Variants in NAALADL2 observed in about 807,000 individuals in gnomAD.
The protein encoded by NAALADL2 is N-acetylated alpha-linked acidic dipeptidase like 2, also known as inactive N-acetylated-alpha-linked acidic dipeptidase-like protein 2.
NAALADL2 carries 76 observed loss-of-function variants against 87.2 expected under a neutral mutation model. That is an observed-to-expected ratio of 0.87 (90% CI 0.72 to 1.05). The LOEUF is 1.05. NAALADL2 is among the 50% of genes least tolerant of loss of function. The pLI is 0.00. For synonymous variants in NAALADL2, 354 were observed against 331.0 expected (o/e 1.07, Z -0.75); for missense variants, 1,089 against 945.8 (o/e 1.15, Z -1.99).
intron 5 of NAALADL2, among the ~76,000 whole-genome samples, chr3:175,344,902 TTTA>T (rs1762965523): frequency 6.6e-6 from 1 of 152,132 alleles, no homozygotes; most frequent in Non-Finnish European, 1.5e-5. Flanking sequence ...TGTACATATT[TTTA>T]TTATTATCGC....
At chr3:174,804,380 G>T (rs1228403617) in intron 3 of NAALADL2, among the ~76,000 whole-genome samples, 1 of 152,106 alleles carries the variant, frequency 6.6e-6, no homozygotes, top group Non-Finnish European at 1.5e-5. Flanking sequence ...AGACATTGGG[G>T]TTTTCTAAAT....
chr3:174,705,534 C>T (rs1729970322), intron 2 of NAALADL2, among the ~76,000 whole-genome samples: 1 of 152,154 alleles, frequency 6.6e-6, no homozygotes, highest in South Asian at 2.1e-4. Flanking sequence ...CCTGTAATCC[C>T]AGCACTTTGG....
chr3:175,645,361 T>A (rs1729857334), intron 11 of NAALADL2, among the ~76,000 whole-genome samples: 1 of 152,044 alleles, frequency 6.6e-6, no homozygotes, highest in South Asian at 2.1e-4. Context: ...ATGACTATCT[T>A]CCTCATGGGG....
intron 3 of NAALADL2, among the ~76,000 whole-genome samples, chr3:174,803,704 C>T (rs900140274): frequency 5.3e-5 from 8 of 152,106 alleles, no homozygotes; most frequent in East Asian, 3.9e-4. Flanking sequence ...CCAGTTTTCC[C>T]GGCACCATTT....
intron 3 of NAALADL2, among the ~76,000 whole-genome samples, chr3:174,751,556 G>A (rs1734816067): frequency 6.6e-6 from 1 of 151,556 alleles, no homozygotes; most frequent in Non-Finnish European, 1.5e-5. Flanking sequence ...CCAGCGACTC[G>A]GGTGGCTGAG....
upstream of NAALADL2, among the ~76,000 whole-genome samples, chr3:174,856,884 G>A (rs1474878259): frequency 6.6e-6 from 1 of 152,144 alleles, no homozygotes; most frequent in Non-Finnish European, 1.5e-5. Flanking sequence ...AGTTAAGATG[G>A]AAAAGGCATT....
rs75576753 is a variant in NAALADL2, at chr3:175,607,085, T to C, written c.1801-20206T>C. On this transcript the variant is annotated intron_variant, in intron 10 of 13. Transcript: ENST00000454872. The stretch of plus-strand genomic sequence containing the variant: ...ACAGAGAGAGTAAGAAGGTGTATTG[T>C]GAAGTTTGGCTTCTTTTTGAACCTG... Among the ~76,000 whole-genome samples, 569 of 152,336 alleles carry C rather than the reference T, an allele frequency of 3.7e-3. 5 individuals carry two copies. The highest frequency in any genetic ancestry group is 0.013 in the African/African-American group (538 of 41,584).
At chr3:174,768,841 T>C (rs537352941) in intron 3 of NAALADL2, among the ~76,000 whole-genome samples, 30 of 152,200 alleles carry the variant, frequency 2.0e-4, no homozygotes, top group African/African-American at 7.2e-4. Flanking sequence ...AAGTGCTTGC[T>C]TGTATCTCTA....
At chr3:175,012,325 T>A (rs1388863014) in intron 1 of NAALADL2, among the ~76,000 whole-genome samples, 4 of 147,674 alleles carry the variant, frequency 2.7e-5, no homozygotes, top group African/African-American at 1.0e-4. Context: ...CCACCAGGCC[T>A]GGCTAATATT....
chr3:174,632,833 G>A (rs143407704), intron 2 of NAALADL2, among the ~76,000 whole-genome samples: 6,842 of 151,164 alleles, frequency 0.045, 233 homozygotes, highest in Non-Finnish European at 0.063. Context: ...TACTCAGGGG[G>A]CTGAGGCACG....
chr3:174,718,750 G>A (rs543809597), intron 2 of NAALADL2, among the ~76,000 whole-genome samples: 1 of 152,228 alleles, frequency 6.6e-6, no homozygotes, highest in African/African-American at 2.4e-5. Context: ...CTACAAAATA[G>A]CAATTCTCTT....
At chr3:174,449,570 C>T (rs569592332) in intron 1 of NAALADL2, among the ~76,000 whole-genome samples, 2 of 152,134 alleles carry the variant, frequency 1.3e-5, no homozygotes, top group Admixed American at 6.5e-5. Context: ...TCATATATTA[C>T]ATAAACAGTA....
At chr3:175,585,788 T>C (rs145231412) in intron 10 of NAALADL2, among the ~76,000 whole-genome samples, 2,113 of 152,256 alleles carry the variant, frequency 0.014, 21 homozygotes, top group Non-Finnish European at 0.023. Flanking sequence ...CCTTGGTAAT[T>C]GTCCGTGTAA....
intron 3 of NAALADL2, among the ~76,000 whole-genome samples, chr3:174,756,854 A>G (rs138087351): frequency 2.0e-5 from 3 of 152,166 alleles, no homozygotes; most frequent in South Asian, 4.2e-4. Context: ...TTCTTCTTAG[A>G]TCCCCCTTCT....
chr3:174,790,728 G>A (rs1041799944), intron 3 of NAALADL2, among the ~76,000 whole-genome samples: 1 of 152,002 alleles, frequency 6.6e-6, no homozygotes, highest in Non-Finnish European at 1.5e-5. Context: ...TTATGTCAGT[G>A]TGTAGAAAAA....
intron 2 of NAALADL2, among the ~76,000 whole-genome samples, chr3:175,225,966 C>T (rs996907828): frequency 3.3e-5 from 5 of 152,024 alleles, no homozygotes; most frequent in African/African-American, 1.2e-4. Context: ...GATGTGTTGA[C>T]AGTTTGTTAT....
chr3:174,649,425 A>C (rs567090417), intron 2 of NAALADL2, among the ~76,000 whole-genome samples: 2 of 152,164 alleles, frequency 1.3e-5, no homozygotes, highest in Admixed American at 6.5e-5. Flanking sequence ...TATATTATAT[A>C]CTTTTCCATT....
At chr3:175,237,155 C>G (rs1003364949) in intron 3 of NAALADL2, among the ~76,000 whole-genome samples, 1 of 151,912 alleles carries the variant, frequency 6.6e-6, no homozygotes, top group Admixed American at 6.6e-5. Context: ...TGTGAATTTG[C>G]AAAATTCTAT....
At chr3:174,931,698 G>A (rs1317715111) in intron 1 of NAALADL2, among the ~76,000 whole-genome samples, 1 of 152,114 alleles carries the variant, frequency 6.6e-6, no homozygotes, top group Non-Finnish European at 1.5e-5. Context: ...CAAAGACATG[G>A]ACATGGACAT....
Sources: allele counts gnomAD v4.1 joint callset (sites outside exome capture counted in the v4.1 genomes callset), GRCh38; gene constraint gnomAD v4.1.1; transcripts MANE v1.5; gene names NCBI Gene and HGNC (gene_info 2026-07-23, HGNC 2026-07-21).